HDAC9: variants seen among roughly 807,000 people sequenced by gnomAD.
The protein encoded by HDAC9 is MEF-2 interacting transcription repressor (MITR) protein.
In HDAC9, 41 loss-of-function variants were observed where a neutral mutation model predicts 139.4. The ratio of observed to expected loss-of-function variants is 0.29; its 90% CI spans 0.23 to 0.38. The LOEUF (loss-of-function observed/expected upper bound fraction) is 0.38, where lower values mean the gene tolerates loss of function less well. HDAC9 is among the 10% of genes least tolerant of loss of function. HDAC9 has a pLI of 1.00. For missense variants in HDAC9, 1,147 were observed against 1,297.0 expected (o/e 0.88, Z 1.78); for synonymous variants, 517 against 476.2 (o/e 1.09, Z -1.12).
At chr7:18,651,323 A>G (rs1391598271) in intron 11 of HDAC9, among the ~76,000 whole-genome samples, 3 of 152,192 alleles carry the variant, frequency 2.0e-5, no homozygotes, top group Admixed American at 6.5e-5. Context: ...TGAGATACTT[A>G]TAGCAGGAAA....
intron 12 of HDAC9, among the ~76,000 whole-genome samples, chr7:18,721,553 A>G (rs1375320560): frequency 6.6e-6 from 1 of 152,138 alleles, no homozygotes; most frequent in African/African-American, 2.4e-5. Flanking sequence ...CTGTATTTTC[A>G]GAGTATGCAT....
chr7:18,750,355 G>A (rs991515848), intron 14 of HDAC9, among the ~76,000 whole-genome samples: 2 of 152,154 alleles, frequency 1.3e-5, no homozygotes, highest in Admixed American at 1.3e-4. Flanking sequence ...CATTGGTAGT[G>A]TCTTATGGAT....
chr7:18,573,821 C>T (rs772966789), intron 2 of HDAC9, among the ~76,000 whole-genome samples: 3 of 152,182 alleles, frequency 2.0e-5, no homozygotes, highest in Non-Finnish European at 4.4e-5. Context: ...ATGCCTGGAA[C>T]CACTGAACCC....
chr7:18,568,352 T>C (rs1351209096), intron 2 of HDAC9, among the ~76,000 whole-genome samples: 1 of 152,176 alleles, frequency 6.6e-6, no homozygotes, highest in Non-Finnish European at 1.5e-5. Context: ...TATGTGACAA[T>C]GGCAAAGCTA....
In HDAC9 at chr7:18,404,330, TG is replaced by T. The variant is rs560387181; in HGVS notation, c.-41-91931del. Reference sequence around the variant, plus strand: ...ACATACATAGGCAGGACAAATGTAATGTTTTTTTTAAAGGGAAAAATAATAA... The same window carrying T: ...ACATACATAGGCAGGACAAATGTAATTTTTTTTTAAAGGGAAAAATAATAA... On this transcript the variant is annotated intron_variant, in intron 1 of 3. Coordinates refer to the HDAC9 transcript ENST00000413509. 7.9e-5 allele frequency among the ~76,000 whole-genome samples: 12 copies of T among 152,260 alleles called. No individual in the cohort carries two copies. In the South Asian group the frequency reaches 8.3e-4, roughly 11 times the overall value.
intron 25 of HDAC9, among the ~76,000 whole-genome samples, chr7:18,993,391 T>G (rs1786161495): frequency 6.6e-6 from 1 of 152,184 alleles, no homozygotes; most frequent in African/African-American, 2.4e-5. Flanking sequence ...ACTGACTGAT[T>G]CAAAGTCAAA....
chr7:18,826,824 C>T (rs3852255), intron 17 of HDAC9, among the ~76,000 whole-genome samples: 24,668 of 151,660 alleles, frequency 0.16, 4,284 homozygotes, highest in African/African-American at 0.44. Context: ...CTAGGATGCC[C>T]TAAATTTTTT....
At chr7:18,957,990 G>C (rs1400653641) in intron 24 of HDAC9, among the ~76,000 whole-genome samples, 1 of 152,196 alleles carries the variant, frequency 6.6e-6, no homozygotes, top group African/African-American at 2.4e-5. Context: ...GGTGCTGACA[G>C]TTCTCCTGTG....
intron 1 of HDAC9, among the ~76,000 whole-genome samples, chr7:18,133,694 C>T (rs1447946346): frequency 6.6e-6 from 1 of 151,926 alleles, no homozygotes; most frequent in East Asian, 1.9e-4. Context: ...GCACTTGAGA[C>T]AGATAACCAA....
intron 6 of HDAC9, among the ~76,000 whole-genome samples, chr7:18,614,896 A>G (rs1838158558): frequency 6.6e-6 from 1 of 152,216 alleles, no homozygotes; most frequent in Non-Finnish European, 1.5e-5. Flanking sequence ...GGAGTGTTTC[A>G]TGAATAACAG....
At chr7:18,732,594 T>C (rs1193876629) in intron 13 of HDAC9, among the ~76,000 whole-genome samples, 2 of 146,406 alleles carry the variant, frequency 1.4e-5, no homozygotes, top group Non-Finnish European at 3.0e-5. Flanking sequence ...TACACACACG[T>C]GTATATGTGT....
chr7:18,763,523 A>G (rs993383198), intron 15 of HDAC9, among the ~76,000 whole-genome samples: 2 of 152,200 alleles, frequency 1.3e-5, no homozygotes, highest in African/African-American at 2.4e-5. Context: ...TATGAATACA[A>G]ATAAATCAAT....
chr7:18,132,122 C>A (rs1470281289), intron 1 of HDAC9, among the ~76,000 whole-genome samples: 1 of 152,104 alleles, frequency 6.6e-6, no homozygotes, highest in African/African-American at 2.4e-5. Context: ...TCATTTACTT[C>A]CCTCCCTTTG....
chr7:18,832,728 G>GAT (rs138661929), intron 19 of HDAC9, among the ~76,000 whole-genome samples: 2,298 of 67,996 alleles, frequency 0.034, 20 homozygotes, highest in South Asian at 0.085. Flanking sequence ...ACAAAAAAAT[G>GAT]ATATATATAT....
intron 2 of HDAC9, among the ~76,000 whole-genome samples, chr7:18,518,758 G>T (rs1475342133): frequency 6.6e-6 from 1 of 152,200 alleles, no homozygotes; most frequent in African/African-American, 2.4e-5. Flanking sequence ...GCCCTGGCTG[G>T]CTCCTCCATG....
At chr7:18,689,297 CAGAG>C (rs1467611441) in intron 12 of HDAC9, among the ~76,000 whole-genome samples, 1 of 151,346 alleles carries the variant, frequency 6.6e-6, no homozygotes, top group African/African-American at 2.4e-5. Context: ...ACATGGGAGA[CAGAG>C]AGAGATTTTA....
intron 1 of HDAC9, among the ~76,000 whole-genome samples, chr7:18,407,058 A>G (rs956479405): frequency 1.3e-5 from 2 of 152,138 alleles, no homozygotes; most frequent in Non-Finnish European, 2.9e-5. Flanking sequence ...CAGCTTAGGT[A>G]TTCTTTCTTA....
At chr7:18,708,218 A>G (rs539810054) in intron 12 of HDAC9, among the ~76,000 whole-genome samples, 3 of 152,110 alleles carry the variant, frequency 2.0e-5, no homozygotes, top group African/African-American at 7.2e-5. Flanking sequence ...AGGTGAGGTC[A>G]TTTGCTGAGT....
intron 1 of HDAC9, among the ~76,000 whole-genome samples, chr7:18,373,358 A>G (rs1484401213): frequency 6.6e-6 from 1 of 152,138 alleles, no homozygotes; most frequent in East Asian, 1.9e-4. Flanking sequence ...CCTCTGGTAT[A>G]TGTTACCTTA....
Sources: allele counts gnomAD v4.1 joint callset (sites outside exome capture counted in the v4.1 genomes callset), GRCh38; gene constraint gnomAD v4.1.1; transcripts MANE v1.5; gene names NCBI Gene and HGNC (gene_info 2026-07-23, HGNC 2026-07-21).